ISCU: variants seen among roughly 807,000 people sequenced by gnomAD.
ISCU encodes iron-sulfur cluster assembly enzyme ISCU.
Under a neutral mutation model 18.4 loss-of-function variants are expected in ISCU, and 13 were observed. The observed-to-expected ratio is 0.71, with a 90% confidence interval of 0.46 to 1.12. The LOEUF is 1.12. ISCU is among the 50% of genes most tolerant of loss of function. The probability of loss-of-function intolerance (pLI) is 0.00; values close to 1 mark genes in which losing one functional copy is unlikely to be tolerated. For missense variants in ISCU, 229 were observed against 208.7 expected (o/e 1.10, Z -0.60); for synonymous variants, 104 against 87.5 (o/e 1.19, Z -1.06).
At chr12:108,568,684 C>G in intron 4 of ISCU, 147 bp from the exon 5 acceptor site, 1 of 1,493,644 alleles carries the variant, frequency 6.7e-7, no homozygotes, top group Non-Finnish European at 8.9e-7. Context: ...GCTGACGTGC[C>G]CAGCAACTCC....
chr12:108,569,005 C>T lies in ISCU; in HGVS notation c.*89C>T. 1 of 1,093,940 alleles carries T rather than the reference C, an allele frequency of 9.1e-7. No individual in the cohort carries two copies. The highest frequency in any genetic ancestry group is 2.0e-5 in the Admixed American group (1 of 50,616). 67.8% of individuals were successfully genotyped at this position (1,093,940 alleles called of 1,614,324 possible). On this transcript the variant is annotated 3_prime_UTR_variant, in exon 5 of 5. Coordinates refer to ENST00000311893, the MANE Select transcript of ISCU (RefSeq NM_213595.4). ...CTTAGATGTTCAGAAGCCGCTTCCTCTCCACTGAAGAGCTATGAGATACGC... is the reference window on the plus strand; with the variant it reads ...CTTAGATGTTCAGAAGCCGCTTCCTTTCCACTGAAGAGCTATGAGATACGC...
At position 108,565,401 on chromosome 12, in the gene ISCU, A is replaced by G. The variant is rs779222545; in HGVS notation, c.309A>G (p.Ser103=). The change falls in exon 3 of 5, where the codon TCA becomes TCG. Residue 103 remains serine, a synonymous_variant. Coordinates refer to ENST00000311893, the MANE Select transcript of ISCU (RefSeq NM_213595.4). ...FGCGSAIASS[S]LATEWVKGKT... is the part of the protein sequence containing the mutation. Reference sequence around the variant, plus strand: ...GTGGTTCCGCAATTGCCTCCAGCTCATTAGCCACTGAATGGGTGAAAGGAA... The same window carrying G: ...GTGGTTCCGCAATTGCCTCCAGCTCGTTAGCCACTGAATGGGTGAAAGGAA... 5.6e-5 allele frequency: 90 copies of G among 1,613,586 alleles called. No individual in the cohort carries two copies. Among genetic ancestry groups the G allele is most frequent in the Non-Finnish European group, 7.5e-5 (89 of 1,179,570 alleles).
intron 1 of ISCU, chr12:108,563,398 C>T (rs1363920518): frequency 6.5e-6 from 1 of 153,426 alleles, no homozygotes; most frequent in Non-Finnish European, 1.5e-5. Context: ...ACGTGAGACT[C>T]CCACTCGAGA....
rs2030854866 is a variant in ISCU, at chr12:108,565,520, G to T, written c.339+89G>T. The T allele has an allele frequency of 3.8e-5, 31 of 808,936 alleles. No individual in the cohort carries two copies. In the South Asian group the frequency reaches 4.4e-4, roughly 11 times the overall value. 50.1% of individuals were successfully genotyped at this position (808,936 alleles called of 1,614,324 possible). ...AAATTTTTAAAATTTCTCCTATGCA[G>T]ATGTTGATTATATTATCATTTCTTC... On this transcript the variant is annotated intron_variant, in intron 3 of 4. Transcript: ENST00000311893.
intron 1 of ISCU, chr12:108,562,976 T>A: frequency 2.7e-6 from 1 of 365,590 alleles, no homozygotes. Flanking sequence ...GTCCCAATTT[T>A]AAATTCGCCA....
In ISCU at chr12:108,562,713, C is replaced by T. The variant is rs1461747642; in HGVS notation, c.91C>T (p.Pro31Ser). The T allele has an allele frequency of 6.7e-7, 1 of 1,492,268 alleles. No homozygotes were observed. The highest frequency in any genetic ancestry group is 8.8e-7 in the Non-Finnish European group (1 of 1,131,004). 92.4% of individuals were successfully genotyped at this position (1,492,268 alleles called of 1,614,324 possible). A position where few individuals can be genotyped will look rare whatever the true frequency, so the allele number is the denominator to read the frequency against. The change falls in exon 1 of 5, where the codon CCG becomes TCG. Residue 31 changes from proline (P) to serine (S), a missense_variant. Coordinates refer to ENST00000311893, the MANE Select transcript of ISCU (RefSeq NM_213595.4). ...CCTGCCCGCCCGGGAGCTGTCGGCC[C>T]CGGCCCGACTCTATCACAAGAAGGT... ...PRLPARELSA[P>S]ARLYHKKVVD...
chr12:108,569,220 A>AT lies in ISCU; in HGVS notation c.*305dup. The AT allele has an allele frequency of 2.6e-6, 1 of 384,218 alleles. No individual in the cohort carries two copies. The allele number at this position is 384,218 out of a possible 1,614,324, so 23.8% of individuals were successfully genotyped here. Reference sequence around the variant, plus strand: ...CAAGTTTTGATAGCCCGTGAAGTGCATAAGTATCTAATTTTACCTGAATTG... The same window carrying AT: ...CAAGTTTTGATAGCCCGTGAAGTGCATTAAGTATCTAATTTTACCTGAATTG... On this transcript the variant is annotated 3_prime_UTR_variant, in exon 5 of 5. Transcript: ENST00000311893.
chr12:108,565,519 A>G lies in ISCU; in HGVS notation c.339+88A>G, dbSNP rs1384171296. ...TAAATTTTTAAAATTTCTCCTATGC[A>G]GATGTTGATTATATTATCATTTCTT... On this transcript the variant is annotated intron_variant, in intron 3 of 4. Transcript: ENST00000311893. The G allele has an allele frequency of 7.3e-6, 6 of 817,108 alleles. No individual in the cohort carries two copies. In the Admixed American group the frequency reaches 1.2e-4, roughly 16 times the overall value. 50.6% of individuals were successfully genotyped at this position (817,108 alleles called of 1,614,324 possible). A position where few individuals can be genotyped will look rare whatever the true frequency, so the allele number is the denominator to read the frequency against.
chr12:108,566,713 C>T (rs142235192), intron 3 of ISCU, among the ~76,000 whole-genome samples: 2 of 152,328 alleles, frequency 1.3e-5, no homozygotes, highest in African/African-American at 2.4e-5. Context: ...CGGCCTGACT[C>T]GGCTGTGCCA....
chr12:108,569,320 T>TG lies in ISCU; in HGVS notation c.*404_*405insG. On this transcript the variant is annotated 3_prime_UTR_variant, in exon 5 of 5. Coordinates refer to ENST00000311893, the MANE Select transcript of ISCU (RefSeq NM_213595.4). Reference sequence around the variant, plus strand: ...AACCAATTGTTGTACATAAAACAGATTGCGCATATATATATATGTATAAAA... The same window carrying TG: ...AACCAATTGTTGTACATAAAACAGATGTGCGCATATATATATATGTATAAAA... The TG allele has an allele frequency of 4.8e-6, 1 of 207,368 alleles. No homozygotes were observed. 12.8% of individuals were successfully genotyped at this position (207,368 alleles called of 1,614,324 possible).
At chr12:108,563,840 A>G in intron 1 of ISCU, 1 of 554,314 alleles carries the variant, frequency 1.8e-6, no homozygotes, top group South Asian at 2.0e-5. Context: ...TCCCTGTGTA[A>G]CAGTCACCTT....
At chr12:108,564,882 A>T (rs1039282037) in intron 2 of ISCU, 3 of 264,420 alleles carry the variant, frequency 1.1e-5, no homozygotes, top group Admixed American at 5.1e-5. Flanking sequence ...CTTCATACCT[A>T]TCTTGGAATA....
intron 2 of ISCU, 127 bp downstream of exon 2, chr12:108,564,519 C>A: frequency 1.4e-6 from 1 of 732,036 alleles, no homozygotes; most frequent in Non-Finnish European, 2.4e-6. Flanking sequence ...GTCTCCATTC[C>A]TGTGAGATGG....
rs763888316 is a variant in ISCU, at chr12:108,567,355, C to T, written c.418+87C>T. On this transcript the variant is annotated intron_variant, in intron 4 of 4. Transcript: ENST00000311893. ...GCAACAGTCCTTTTAGATCATGGAG[C>T]CCACGTTTGTAACCCTCAGAATTAG... 3 of 1,092,222 alleles carry T rather than the reference C, an allele frequency of 2.7e-6. No individual in the cohort carries two copies. The Admixed American group carries it at 5.1e-5, about 19-fold the overall frequency. 67.7% of individuals were successfully genotyped at this position (1,092,222 alleles called of 1,614,324 possible). A position where few individuals can be genotyped will look rare whatever the true frequency, so the allele number is the denominator to read the frequency against.
intron 4 of ISCU, 152 bp from the exon 5 acceptor site, chr12:108,568,679 C>A: frequency 6.7e-7 from 1 of 1,487,328 alleles, no homozygotes; most frequent in South Asian, 1.3e-5. Flanking sequence ...CAGCTGCTGA[C>A]GTGCCCAGCA....
Position 108,564,366 on chromosome 12 carries a change from G to T in ISCU, c.202G>T (p.Ala68Ser). 1 of 1,613,618 alleles carries T rather than the reference G, an allele frequency of 6.2e-7. No homozygotes were observed. Among genetic ancestry groups the T allele is most frequent in the Non-Finnish European group, 8.5e-7 (1 of 1,179,454 alleles). ...NVGTGLVGAP[A>S]CGDVMKLQIQ... ...TGGAACTGGACTGGTGGGGGCTCCA[G>T]CATGTGGTGACGTAATGAAATTACA... The change falls in exon 2 of 5, where the codon GCA becomes TCA. Residue 68 changes from alanine to serine, a missense_variant. By Grantham distance (99) the Ala-to-Ser change is moderately conservative (BLOSUM62 1). Coordinates refer to ENST00000311893, the MANE Select transcript of ISCU (RefSeq NM_213595.4).
rs772851870 is a variant in ISCU, at chr12:108,562,710, G to C, written c.88G>C (p.Ala30Pro). Residue 30 changes from alanine to proline, a missense_variant, in exon 1 of 5, where the codon GCC becomes CCC. By Grantham distance (27) the Ala-to-Pro change is conservative (BLOSUM62 -1). Coordinates refer to ENST00000311893, the MANE Select transcript of ISCU (RefSeq NM_213595.4). ...SPRLPARELS[A>P]PARLYHKKVV... ...CCGCCTGCCCGCCCGGGAGCTGTCG[G>C]CCCCGGCCCGACTCTATCACAAGAA... 10 of 1,488,052 alleles carry C rather than the reference G, an allele frequency of 6.7e-6. No individual in the cohort carries two copies. The East Asian group carries it at 2.5e-4, about 37-fold the overall frequency. 92.2% of individuals were successfully genotyped at this position (1,488,052 alleles called of 1,614,324 possible). A position where few individuals can be genotyped will look rare whatever the true frequency, so the allele number is the denominator to read the frequency against.
At chr12:108,568,724 A>G (rs967245791) in intron 4 of ISCU, 107 bp from the exon 5 acceptor site, 1 of 1,542,836 alleles carries the variant, frequency 6.5e-7, no homozygotes, top group Non-Finnish European at 8.7e-7. Context: ...TGGTTACTCC[A>G]TTAGTCCCCA....
chr12:108,565,143 G>A, intron 2 of ISCU, 178 bp from the exon 3 acceptor site: 1 of 619,060 alleles, frequency 1.6e-6, no homozygotes, highest in Non-Finnish European at 2.9e-6. Context: ...AGTTGTCCCT[G>A]CATTTCACTT....
Sources: gnomAD v4.1 joint callset for allele counts (sites outside exome capture counted in the v4.1 genomes callset) on GRCh38, gnomAD v4.1.1 for gene constraint, MANE v1.5 for transcripts, NCBI Gene and HGNC (gene_info 2026-07-23, HGNC 2026-07-21) for gene names.